MTHFD2L: variants seen among roughly 807,000 people sequenced by gnomAD.
MTHFD2L encodes the protein methylenetetrahydrofolate dehydrogenase (NADP+ dependent) 2 like, also known as bifunctional methylenetetrahydrofolate dehydrogenase/cyclohydrolase 2, mitochondrial.
Under a neutral mutation model 34.9 loss-of-function variants are expected in MTHFD2L, and 29 were observed. The observed-to-expected ratio is 0.83, with a 90% CI of 0.62 to 1.13. MTHFD2L has a LOEUF of 1.13. Among genes scored for constraint, MTHFD2L ranks in the 50% most tolerant of loss-of-function variants. The pLI, the probability that MTHFD2L is intolerant of heterozygous loss-of-function variation, is 0.00. For missense variants in MTHFD2L, 481 were observed against 446.5 expected (o/e 1.08, Z -0.70); for synonymous variants, 167 against 155.7 (o/e 1.07, Z -0.54).
intron 5 of MTHFD2L, among the ~76,000 whole-genome samples, chr4:74,207,454 A>G (rs1204127753): frequency 1.3e-5 from 2 of 152,046 alleles, no homozygotes; most frequent in Non-Finnish European, 2.9e-5. Flanking sequence ...TTCAGCCAAT[A>G]CTCATCTAGT....
intron 1 of MTHFD2L, among the ~76,000 whole-genome samples, chr4:74,141,770 G>A (rs1723286096): frequency 6.6e-6 from 1 of 152,150 alleles, no homozygotes. Flanking sequence ...ACAAGTTCAA[G>A]ATTTCATGGA....
intron 6 of MTHFD2L, among the ~76,000 whole-genome samples, chr4:74,261,012 A>G (rs1744619991): frequency 8.2e-6 from 1 of 121,440 alleles, no homozygotes; most frequent in South Asian, 2.6e-4. Context: ...AAATAAATAG[A>G]AAAAAATATA....
At chr4:74,216,903 A>G (rs1234630819) in intron 5 of MTHFD2L, among the ~76,000 whole-genome samples, 1 of 151,822 alleles carries the variant, frequency 6.6e-6, no homozygotes, top group East Asian at 1.9e-4. Flanking sequence ...CCCTTGTCCC[A>G]TCTTTCATTC....
At chr4:74,248,219 G>A (rs1742773660) in intron 6 of MTHFD2L, among the ~76,000 whole-genome samples, 2 of 152,244 alleles carry the variant, frequency 1.3e-5, no homozygotes, top group South Asian at 4.2e-4. Context: ...GAGAGTGTAT[G>A]TGTCAAGGAA....
intron 1 of MTHFD2L, among the ~76,000 whole-genome samples, chr4:74,163,939 G>C (rs936710477): frequency 1.3e-5 from 2 of 152,142 alleles, no homozygotes; most frequent in African/African-American, 4.8e-5. Context: ...GCAATAGCAC[G>C]ATCTTGGCTC....
At chr4:74,285,305 C>T (rs1032946640) in intron 7 of MTHFD2L, among the ~76,000 whole-genome samples, 4 of 151,574 alleles carry the variant, frequency 2.6e-5, no homozygotes, top group African/African-American at 7.3e-5. Flanking sequence ...CAAGACTGCA[C>T]GTTGAGCACA....
intron 6 of MTHFD2L, among the ~76,000 whole-genome samples, chr4:74,252,503 G>A (rs911605148): frequency 6.6e-6 from 1 of 152,008 alleles, no homozygotes; most frequent in Non-Finnish European, 1.5e-5. Flanking sequence ...ATAAAAAAGG[G>A]ATTATAGTAA....
upstream of MTHFD2L, among the ~76,000 whole-genome samples, chr4:74,122,056 C>T (rs759924188): frequency 1.7e-3 from 260 of 152,192 alleles, 1 homozygote; most frequent in Middle Eastern, 0.017. Context: ...TACAGCAGCC[C>T]TAGCAAACTA....
chr4:74,190,169 C>A (rs1229544741), intron 3 of MTHFD2L, among the ~76,000 whole-genome samples: 1 of 151,982 alleles, frequency 6.6e-6, no homozygotes, highest in Non-Finnish European at 1.5e-5. Flanking sequence ...GGCCTGTTCA[C>A]TAATCTAAGT....
chr4:74,115,457 C>G (rs1285926866), intron 2 of MTHFD2L, among the ~76,000 whole-genome samples: 1 of 152,198 alleles, frequency 6.6e-6, no homozygotes, highest in Admixed American at 6.5e-5. Flanking sequence ...ATTCAACTCC[C>G]TTTTTGTTTT....
At chr4:74,173,753 A>G (rs1260830991) in intron 1 of MTHFD2L, among the ~76,000 whole-genome samples, 1 of 152,188 alleles carries the variant, frequency 6.6e-6, no homozygotes, top group Non-Finnish European at 1.5e-5. Context: ...AAATAGCAGA[A>G]CTTTAAATTT....
At chr4:74,143,410 A>G in intron 1 of MTHFD2L, 1 of 985,436 alleles carries the variant, frequency 1.0e-6, no homozygotes, top group Non-Finnish European at 1.2e-6. Flanking sequence ...CAGCATGGAA[A>G]CACGGATTTG....
At chr4:74,151,201 G>C (rs1290999956) in intron 1 of MTHFD2L, among the ~76,000 whole-genome samples, 1 of 151,930 alleles carries the variant, frequency 6.6e-6, no homozygotes, top group Non-Finnish European at 1.5e-5. Flanking sequence ...CTATCAATAA[G>C]TTATTAAAAT....
intron 7 of MTHFD2L, among the ~76,000 whole-genome samples, chr4:74,295,304 A>G (rs932287532): frequency 2.0e-5 from 3 of 151,396 alleles, no homozygotes; most frequent in Non-Finnish European, 4.4e-5. Context: ...CTTTGCTTTT[A>G]CTCTTCCCTG....
chr4:74,187,733 T>TACACACAC (rs35175417), intron 3 of MTHFD2L, among the ~76,000 whole-genome samples: 131 of 134,290 alleles, frequency 9.8e-4, no homozygotes, highest in African/African-American at 3.5e-3. Context: ...AAACGTTAAA[T>TACACACAC]ACACACACAC....
chr4:74,217,247 T>C (rs1355626915), intron 5 of MTHFD2L, among the ~76,000 whole-genome samples: 1 of 151,882 alleles, frequency 6.6e-6, no homozygotes, highest in Non-Finnish European at 1.5e-5. Flanking sequence ...TGTCCAAATG[T>C]TACCTAGGGT....
chr4:74,140,669 T>C (rs1356831565), intron 1 of MTHFD2L: 3 of 489,298 alleles, frequency 6.1e-6, no homozygotes, highest in Non-Finnish European at 8.0e-6. Context: ...GAGGTTTAAT[T>C]GACCCACAGT....
intron 6 of MTHFD2L, chr4:74,267,989 T>C: frequency 1.0e-6 from 1 of 985,304 alleles, no homozygotes; most frequent in Non-Finnish European, 1.2e-6. Flanking sequence ...ATTCAGATAT[T>C]GTCCTTGGCA....
At chr4:74,175,660 G>A (rs530313099) in intron 3 of MTHFD2L, among the ~76,000 whole-genome samples, 17 of 152,084 alleles carry the variant, frequency 1.1e-4, no homozygotes, top group African/African-American at 3.4e-4. Flanking sequence ...TAAAAATGAC[G>A]ATGTAAGATG....
Sources: allele counts gnomAD v4.1 joint callset (sites outside exome capture counted in the v4.1 genomes callset), GRCh38; gene constraint gnomAD v4.1.1; transcripts MANE v1.5; gene names NCBI Gene and HGNC (gene_info 2026-07-23, HGNC 2026-07-21).